The following TTLL8 variants were observed in gnomAD, a reference collection of about 807,000 sequenced individuals.
The protein encoded by TTLL8 is tubulin tyrosine ligase like 8, also known as protein monoglycylase TTLL8.
Under a neutral mutation model 77.8 loss-of-function variants are expected in TTLL8, and 65 were observed. The observed-to-expected ratio is 0.84, with a 90% CI of 0.68 to 1.03. The LOEUF (loss-of-function observed/expected upper bound fraction) is 1.03. Ranked by LOEUF, TTLL8 falls within the 50% of genes least tolerant of loss-of-function variation. The pLI, the probability that TTLL8 is intolerant of heterozygous loss-of-function variation, is 0.00. For synonymous variants in TTLL8, 402 were observed against 422.8 expected, an observed-to-expected ratio of 0.95 and a Z score of 0.60; for missense variants, 910 against 1,004.5, an observed-to-expected ratio of 0.91 and a Z score of 1.27.
Position 50,045,956 on chromosome 22 carries a change from C to G in TTLL8, c.408G>C (p.Val136=), listed in dbSNP as rs768981197. 27 of 1,356,806 alleles carry G rather than the reference C, an allele frequency of 2.0e-5. No homozygotes were observed. The Admixed American group carries it at 4.8e-4, about 24-fold the overall frequency. The allele number at this position is 1,356,806 out of a possible 1,614,324, so 84.0% of individuals were successfully genotyped here. Residue 136 remains valine (V), a synonymous_variant, in exon 5 of 14, where the codon GTG becomes GTC. Transcript: ENST00000266182. ...CGTACCAGGGCAGGCTCCGCATGTT[C>G]ACGCACAGCCCGATCTCCAGAGACA...
At chr22:50,039,598 G>C (rs1397439900) in intron 8 of TTLL8, among the ~76,000 whole-genome samples, 2 of 152,218 alleles carry the variant, frequency 1.3e-5, no homozygotes, top group African/African-American at 2.4e-5. Flanking sequence ...CTGAGGAAAA[G>C]ATATTACCTT....
In TTLL8 at chr22:50,029,593, C is replaced by T. The variant is rs563528070; in HGVS notation, c.2203+837G>A. Among the ~76,000 whole-genome samples, 333 of 152,148 alleles carry T rather than the reference C, an allele frequency of 2.2e-3. 3 individuals carry two copies. The South Asian group carries it at 0.024, about 11-fold the overall frequency. On this transcript the variant is annotated intron_variant, in intron 12 of 13. Transcript: ENST00000266182. ...ATCTCTACTAAAAATTAGCCGGGCG[C>T]GGTGGCGGGCGCCTGTGGTCCCAGC... is the stretch of plus-strand genomic sequence containing the variant.
upstream of TTLL8, chr22:50,054,733 A>C: frequency 5.7e-6 from 1 of 176,314 alleles, no homozygotes. Flanking sequence ...GCAGAGAAGC[A>C]TTGCTTCTTT....
upstream of TTLL8, among the ~76,000 whole-genome samples, chr22:50,058,049 T>A (rs1387120839): frequency 2.9e-5 from 4 of 136,106 alleles, no homozygotes; most frequent in South Asian, 9.6e-4. This position sits in a 1 kb window ranked among gnomAD's most constrained non-coding sequence, Gnocchi z 4.2. Context: ...TTTCCGGGTG[T>A]GGGAGGCGGG....
intron 8 of TTLL8, among the ~76,000 whole-genome samples, chr22:50,036,918 C>T (rs547772326): frequency 3.9e-5 from 6 of 152,124 alleles, no homozygotes; most frequent in African/African-American, 1.4e-4. Flanking sequence ...TTCCTTCGAC[C>T]TGACTGTGAG....
intron 4 of TTLL8, among the ~76,000 whole-genome samples, chr22:50,046,460 A>G (rs533191878): frequency 6.6e-6 from 1 of 152,278 alleles, no homozygotes; most frequent in Non-Finnish European, 1.5e-5. Context: ...CTGGTTTGTC[A>G]CCCTGTTAAG....
chr22:50,033,651 C>T (rs2061315119), intron 9 of TTLL8, among the ~76,000 whole-genome samples: 1 of 152,130 alleles, frequency 6.6e-6, no homozygotes, highest in Non-Finnish European at 1.5e-5. Context: ...TGCCTGAGTC[C>T]CCCAGGCTCT....
At chr22:50,052,434 C>T (rs55833472) in intron 1 of TTLL8, among the ~76,000 whole-genome samples, 7,986 of 152,190 alleles carry the variant, frequency 0.052, 295 homozygotes, top group Non-Finnish European at 0.077. Context: ...TAAAAAGTAA[C>T]CAGTCCGGGA....
chr22:50,048,130 G>A (rs1281531056), intron 3 of TTLL8, among the ~76,000 whole-genome samples: 1 of 151,742 alleles, frequency 6.6e-6, no homozygotes, highest in Non-Finnish European at 1.5e-5. Flanking sequence ...GTGTGTGTGT[G>A]TGTGTGTGTG....
chr22:50,030,568 C>A, exon 12 of TTLL8: 1 of 1,310,466 alleles, frequency 7.6e-7, no homozygotes, highest in East Asian at 4.8e-5. Flanking sequence ...GTGTTTGGGG[C>A]CTGACTGTCC....
exon 11 of TTLL8, chr22:50,032,088 G>C: frequency 4.4e-6 from 6 of 1,362,532 alleles, no homozygotes; most frequent in Non-Finnish European, 5.9e-6. Context: ...TCTGGACGGC[G>C]TTGTTGCACA....
chr22:50,039,955 G>C (rs2061359512), intron 8 of TTLL8, among the ~76,000 whole-genome samples: 1 of 150,806 alleles, frequency 6.6e-6, no homozygotes, highest in Non-Finnish European at 1.5e-5. Context: ...TGCCAGCTTG[G>C]ATGGACCTCA....
At chr22:50,028,965 G>A (rs868152532) in intron 12 of TTLL8, among the ~76,000 whole-genome samples, 10 of 50,040 alleles carry the variant, frequency 2.0e-4, no homozygotes, top group African/African-American at 6.0e-4. Flanking sequence ...CCATCACACC[G>A]TCCTGAAGAC....
At chr22:50,035,731 C>T (rs1270962443) in intron 8 of TTLL8, among the ~76,000 whole-genome samples, 1 of 152,212 alleles carries the variant, frequency 6.6e-6, no homozygotes, top group Non-Finnish European at 1.5e-5. Flanking sequence ...ATGACGTCCA[C>T]CATGTTGGTC....
chr22:50,046,334 G>T (rs1031776213), intron 4 of TTLL8, among the ~76,000 whole-genome samples: 2 of 152,250 alleles, frequency 1.3e-5, no homozygotes, highest in African/African-American at 4.8e-5. Flanking sequence ...GACCCCAGGA[G>T]AGGGAGGAGC....
intron 8 of TTLL8, among the ~76,000 whole-genome samples, chr22:50,040,901 T>C (rs1040212798): frequency 6.6e-6 from 1 of 152,148 alleles, no homozygotes; most frequent in African/African-American, 2.4e-5. Flanking sequence ...GCTGAACCCC[T>C]GGCCCCAGGA....
upstream of TTLL8, among the ~76,000 whole-genome samples, chr22:50,054,831 G>A (rs560208038): frequency 5.6e-4 from 85 of 152,308 alleles, no homozygotes; most frequent in South Asian, 0.011. Flanking sequence ...GCCAAGGCGG[G>A]CAGATCACCT....
chr22:50,041,297 T>C lies in TTLL8; in HGVS notation c.831-20A>G. ...GGCACCCTGAGGGGGTATCATCCTC[T>C]CAACAGTCATCAGGGTCCTGGTGGG... is the stretch of plus-strand genomic sequence containing the variant. On this transcript the variant is annotated intron_variant, in intron 7 of 13. Coordinates refer to ENST00000266182, the Ensembl canonical transcript of TTLL8. This position sits in a 1 kb window ranked among gnomAD's most constrained non-coding sequence, Gnocchi z 4.3. 3.9e-6 allele frequency: 2 copies of C among 509,118 alleles called. No homozygotes were observed. The highest frequency in any genetic ancestry group is 7.9e-6 in the Non-Finnish European group (2 of 254,096). The allele number at this position is 509,118 out of a possible 1,614,324, so 31.5% of individuals were successfully genotyped here. A position where few individuals can be genotyped will look rare whatever the true frequency, so the allele number is the denominator to read the frequency against.
chr22:50,050,372 GTCC>G, intron 1 of TTLL8, 125 bp from the exon 4 acceptor site: 1 of 508,872 alleles, frequency 2.0e-6, no homozygotes, highest in South Asian at 1.8e-5. Flanking sequence ...CACCCAATAT[GTCC>G]TTTTTTTTTT....
Sources: gnomAD v4.1 joint callset for allele counts (sites outside exome capture counted in the v4.1 genomes callset) on GRCh38, gnomAD v4.1.1 for gene constraint, Gnocchi (gnomAD v3.1) non-coding constraint, MANE v1.5 for transcripts, NCBI Gene and HGNC (gene_info 2026-07-23, HGNC 2026-07-21) for gene names.